The following VSTM4 variants were observed in gnomAD, a reference collection of about 807,000 sequenced individuals.
The protein encoded by VSTM4 is V-set and transmembrane domain-containing protein 4.
In VSTM4, 20 loss-of-function variants were observed where a neutral mutation model predicts 36.4. The observed-to-expected ratio is 0.55, with a 90% confidence interval of 0.39 to 0.80. VSTM4 has a LOEUF of 0.80. Among genes scored for constraint, VSTM4 ranks in the 30% least tolerant of loss-of-function variants. The pLI, the probability that VSTM4 is intolerant of heterozygous loss-of-function variation, is 0.00. For missense variants in VSTM4, 392 were observed against 404.5 expected, an observed-to-expected ratio of 0.97 and a Z score of 0.26; for synonymous variants, 182 against 173.9, an observed-to-expected ratio of 1.05 and a Z score of -0.37.
Position 49,028,080 on chromosome 10 carries a change from C to CT in VSTM4, c.838-8306dup, listed in dbSNP as rs553459745. Among the ~76,000 whole-genome samples, 13 of 152,228 alleles carry CT rather than the reference C, an allele frequency of 8.5e-5. No individual in the cohort carries two copies. In the South Asian group the frequency reaches 2.1e-3, roughly 24 times the overall value. On this transcript the variant is annotated intron_variant, in intron 7 of 7. Transcript: ENST00000332853. ...CAATTGCTCCACATCCTTGTCAGCG[C>CT]TTTTTTTTCTTTTAGCCATTGTTCT... is the stretch of plus-strand genomic sequence containing the variant.
chr10:49,070,759 G>T (rs1844063217), intron 4 of VSTM4, among the ~76,000 whole-genome samples: 1 of 152,256 alleles, frequency 6.6e-6, no homozygotes, highest in Non-Finnish European at 1.5e-5. Context: ...ACAAAGGAAA[G>T]ATGGGTGCTC....
chr10:49,104,744 G>A (rs182925040), intron 2 of VSTM4, among the ~76,000 whole-genome samples: 1 of 152,292 alleles, frequency 6.6e-6, no homozygotes, highest in East Asian at 1.9e-4. Context: ...GGGAGTGGGC[G>A]AGAGAAGTGG....
intron 2 of VSTM4, among the ~76,000 whole-genome samples, chr10:49,096,488 G>T (rs1844571106): frequency 6.6e-6 from 1 of 152,124 alleles, no homozygotes. Context: ...CTTGCAAATT[G>T]CTTCTATTAT....
intron 5 of VSTM4, 95 bp from the exon 6 acceptor site, chr10:49,048,679 G>C: frequency 1.0e-6 from 1 of 997,882 alleles, no homozygotes. Context: ...AATAGTTTCT[G>C]AGTGCTCCCT....
intron 5 of VSTM4, among the ~76,000 whole-genome samples, chr10:49,054,569 C>T (rs1590090179): frequency 6.6e-6 from 1 of 152,280 alleles, no homozygotes; most frequent in Admixed American, 6.5e-5. Context: ...GCATGGTGGG[C>T]TAGCCAGCTG....
chr10:49,110,827 G>A (rs1844879934), intron 1 of VSTM4, among the ~76,000 whole-genome samples: 1 of 152,170 alleles, frequency 6.6e-6, no homozygotes, highest in African/African-American at 2.4e-5. Context: ...ACTCCAAAAT[G>A]TGATGTTTCT....
chr10:49,091,711 G>A (rs1411791104), intron 2 of VSTM4, among the ~76,000 whole-genome samples: 1 of 152,168 alleles, frequency 6.6e-6, no homozygotes, highest in East Asian at 1.9e-4. Context: ...CACCAAGGAC[G>A]CTGACATGCT....
chr10:49,036,123 A>G (rs74886042), intron 7 of VSTM4, among the ~76,000 whole-genome samples: 5,860 of 152,256 alleles, frequency 0.038, 327 homozygotes, highest in African/African-American at 0.11. Context: ...GATCACATCC[A>G]GCTTACCGAA....
At position 49,111,630 on chromosome 10, in the gene VSTM4, T is replaced by C. The variant is rs566843903; in HGVS notation, c.56-3635A>G. 5.3e-5 allele frequency among the ~76,000 whole-genome samples: 8 copies of C among 152,278 alleles called. No homozygotes were observed. The East Asian group carries it at 1.5e-3, about 29-fold the overall frequency. Reference sequence around the variant, plus strand: ...TTTGTGACCCTGTGTTGCGGAGAATTGAGGTGGGAGGGAGACGCATCGTCC... The same window carrying C: ...TTTGTGACCCTGTGTTGCGGAGAATCGAGGTGGGAGGGAGACGCATCGTCC... On this transcript the variant is annotated intron_variant, in intron 1 of 7. Transcript: ENST00000332853.
chr10:49,033,368 C>A (rs757186461), intron 7 of VSTM4, among the ~76,000 whole-genome samples: 4 of 152,082 alleles, frequency 2.6e-5, no homozygotes, highest in Non-Finnish European at 5.9e-5. Flanking sequence ...GTAGCCATGA[C>A]CCACACTAAA....
At chr10:49,115,389 G>C (rs1271895218) in intron 1 of VSTM4, 42 bp downstream of exon 1, 18 of 1,006,374 alleles carry the variant, frequency 1.8e-5, no homozygotes, top group Non-Finnish European at 2.0e-5. Context: ...CGGCCGCCCG[G>C]CCCCCACCCT....
intron 3 of VSTM4, 123 bp downstream of exon 3, chr10:49,085,832 A>G: frequency 1.8e-6 from 1 of 554,778 alleles, no homozygotes; most frequent in South Asian, 2.7e-5. Flanking sequence ...TGGCACATGC[A>G]TATATATGTA....
At chr10:49,078,810 T>G (rs572742224) in intron 3 of VSTM4, among the ~76,000 whole-genome samples, 2 of 152,312 alleles carry the variant, frequency 1.3e-5, no homozygotes, top group East Asian at 3.9e-4. Flanking sequence ...GGAAACAAAC[T>G]GGTACAAGGG....
At chr10:49,115,250 C>G (rs567102368) in intron 1 of VSTM4, among the ~76,000 whole-genome samples, 181 bp downstream of exon 1, 92 of 151,832 alleles carry the variant, frequency 6.1e-4, no homozygotes, top group African/African-American at 2.0e-3. Context: ...TGGGGAGGCG[C>G]CGCTGCGCCC....
intron 7 of VSTM4, among the ~76,000 whole-genome samples, chr10:49,033,442 C>T (rs990718973): frequency 2.0e-5 from 3 of 152,134 alleles, no homozygotes; most frequent in Non-Finnish European, 4.4e-5. Context: ...CTTGTATATA[C>T]AAAAACAATT....
intron 2 of VSTM4, chr10:49,103,692 G>T (rs376612312): frequency 1.2e-6 from 2 of 1,604,086 alleles, no homozygotes; most frequent in Non-Finnish European, 1.7e-6. Flanking sequence ...CCAGGCACCA[G>T]CCTTTCTTTC....
chr10:49,057,424 G>A (rs529224073), intron 5 of VSTM4, among the ~76,000 whole-genome samples: 48 of 152,320 alleles, frequency 3.2e-4, no homozygotes, highest in African/African-American at 1.1e-3. Flanking sequence ...AACCCTTAGC[G>A]ACAGGGACAA....
rs1036088517 is a variant in VSTM4 at position 49,111,753 on chromosome 10, CT to C, written c.55+3677del. ...TGAAGAAGAAAACAACATTCCTGACCTTGTGCAGTGGACAGTCCAGTGGGTA... is the reference window on the plus strand; with the variant it reads ...TGAAGAAGAAAACAACATTCCTGACCTGTGCAGTGGACAGTCCAGTGGGTA... On this transcript the variant is annotated intron_variant, in intron 1 of 7. Transcript: ENST00000332853. Among the ~76,000 whole-genome samples the C allele has an allele frequency of 3.4e-4, 51 of 152,114 alleles. 2 individuals are homozygous for C. The highest frequency in any genetic ancestry group is 2.9e-5 in the Non-Finnish European group (2 of 68,050).
chr10:49,021,033 G>A (rs1472902498), intron 7 of VSTM4, among the ~76,000 whole-genome samples: 1 of 151,914 alleles, frequency 6.6e-6, no homozygotes, highest in East Asian at 1.9e-4. Context: ...ACACATTTTT[G>A]TTTAAAACAA....
Sources: gnomAD v4.1 joint callset for allele counts (sites outside exome capture counted in the v4.1 genomes callset) on GRCh38, gnomAD v4.1.1 for gene constraint, MANE v1.5 for transcripts, NCBI Gene and HGNC (gene_info 2026-07-23, HGNC 2026-07-21) for gene names.